RABGAP1: variants seen among roughly 807,000 people sequenced by gnomAD.
RABGAP1 encodes the protein rab GTPase-activating protein 1.
RABGAP1 carries 23 observed loss-of-function variants against 137.6 expected under a neutral mutation model. The observed-to-expected ratio is 0.17, with a 90% CI of 0.12 to 0.24. The LOEUF (loss-of-function observed/expected upper bound fraction) is 0.24, where lower values mean the gene tolerates loss of function less well. RABGAP1 is among the 10% of genes least tolerant of loss of function. The pLI, the probability that RABGAP1 is intolerant of heterozygous loss-of-function variation, is 1.00. For synonymous variants in RABGAP1, 451 were observed against 450.7 expected, an observed-to-expected ratio of 1.00 and a Z score of -0.01; for missense variants, 906 against 1,275.8, an observed-to-expected ratio of 0.71 and a Z score of 4.42.
chr9:122,953,347 T>G (rs1834351785), intron 1 of RABGAP1, among the ~76,000 whole-genome samples: 1 of 152,196 alleles, frequency 6.6e-6, no homozygotes, highest in Admixed American at 6.5e-5. Context: ...TAACATTACC[T>G]CTATGGAAAC....
intron 13 of RABGAP1, among the ~76,000 whole-genome samples, chr9:123,049,290 T>TTTGTTG (rs201223630): frequency 0.016 from 2,378 of 152,126 alleles, 33 homozygotes; most frequent in South Asian, 0.066. Flanking sequence ...TATGGTGTTT[T>TTTGTTG]TTGTTGTTGT....
chr9:123,003,812 A>G (rs1363555336), intron 10 of RABGAP1, among the ~76,000 whole-genome samples: 2 of 152,224 alleles, frequency 1.3e-5, no homozygotes, highest in Admixed American at 6.5e-5. Flanking sequence ...TAATGAATAG[A>G]TTTTCCAATA....
intron 21 of RABGAP1, among the ~76,000 whole-genome samples, chr9:123,092,219 T>C (rs1432282208): frequency 1.3e-5 from 2 of 152,218 alleles, no homozygotes; most frequent in Admixed American, 6.5e-5. Context: ...ACTACTTATG[T>C]TCTTAAAACC....
intron 1 of RABGAP1, among the ~76,000 whole-genome samples, chr9:122,951,951 G>A (rs192223669): frequency 1.7e-3 from 253 of 152,258 alleles, no homozygotes; most frequent in African/African-American, 5.4e-3. Flanking sequence ...TGGCACTTAC[G>A]GCACAGAGCA....
At chr9:122,984,045 T>G (rs1295025510) in intron 2 of RABGAP1, among the ~76,000 whole-genome samples, 1 of 152,222 alleles carries the variant, frequency 6.6e-6, no homozygotes, top group East Asian at 1.9e-4. Flanking sequence ...TGTGGAAATG[T>G]ATTGCCTAAT....
In RABGAP1 at chr9:122,998,709, A is replaced by G; in HGVS notation, c.1317A>G (p.Leu439=). ...KVRVCSPNER[L]FWPFSKRSTT... The stretch of plus-strand genomic sequence containing the variant: ...GCGTTTGCTCACCTAATGAAAGATT[A>G]TTCTGGCCCTTCAGCAAACGTAGTA... Residue 439 remains leucine, a synonymous_variant, in exon 10 of 26, where the codon TTA becomes TTG. Transcript: ENST00000373647. 6.2e-7 allele frequency: 1 copy of G among 1,612,698 alleles called. No individual in the cohort carries two copies. The highest frequency in any genetic ancestry group is 1.1e-5 in the South Asian group (1 of 90,958).
chr9:123,022,652 G>T (rs189600174), intron 13 of RABGAP1, among the ~76,000 whole-genome samples: 2 of 151,944 alleles, frequency 1.3e-5, no homozygotes, highest in African/African-American at 2.4e-5. Flanking sequence ...TGATCCGCCC[G>T]CCTCGACCTC....
At position 122,996,027 on chromosome 9, in the gene RABGAP1, A is replaced by G. The variant is rs934239485; in HGVS notation, c.924-14A>G. 27 of 1,564,700 alleles carry G rather than the reference A, an allele frequency of 1.7e-5. No individual in the cohort carries two copies. The highest frequency in any genetic ancestry group is 4.2e-5 in the Admixed American group (2 of 47,742). On this transcript the variant is annotated splice_polypyrimidine_tract_variant and intron_variant, in intron 6 of 25. Transcript: ENST00000373647. The stretch of plus-strand genomic sequence containing the variant: ...AAATGCTTTGCAAAATTAATGAAAC[A>G]TGTTGGTCTACAGTGCAGTTCCCAA...
chr9:123,020,970 A>T, intron 13 of RABGAP1: 1 of 803,670 alleles, frequency 1.2e-6, no homozygotes, highest in Non-Finnish European at 1.5e-6. Flanking sequence ...AAGTTTTGCA[A>T]GCAAAACAAG....
intron 5 of RABGAP1, 23 bp downstream of exon 5, chr9:122,989,494 T>C (rs754161579): frequency 1.9e-5 from 30 of 1,610,786 alleles, no homozygotes; most frequent in Non-Finnish European, 2.2e-5. Context: ...GAGAAAACTC[T>C]CTGCAAATGA....
intron 12 of RABGAP1, 140 bp downstream of exon 12, chr9:123,015,776 T>A: frequency 1.8e-6 from 1 of 544,508 alleles, no homozygotes; most frequent in Non-Finnish European, 3.2e-6. Context: ...TTTTAGGGAT[T>A]TATATGAGTA....
intron 10 of RABGAP1, 61 bp from the exon 11 acceptor site, chr9:123,010,293 C>T (rs990756848): frequency 2.6e-5 from 36 of 1,406,394 alleles, no homozygotes; most frequent in Non-Finnish European, 3.3e-5. Context: ...AAAAACACTG[C>T]AATTAATTAA....
intron 11 of RABGAP1, among the ~76,000 whole-genome samples, chr9:123,011,181 T>G (rs532386140): frequency 6.6e-6 from 1 of 152,320 alleles, no homozygotes; most frequent in South Asian, 2.1e-4. Context: ...AAAACCTGAT[T>G]ACAATATAAG....
chr9:123,000,964 C>G (rs1202959802), intron 10 of RABGAP1, among the ~76,000 whole-genome samples: 1 of 151,154 alleles, frequency 6.6e-6, no homozygotes, highest in Non-Finnish European at 1.5e-5. Context: ...CAAAGTTTTA[C>G]TCAGTAAAAG....
At position 123,089,789 on chromosome 9, in the gene RABGAP1, A is replaced by G; in HGVS notation, c.2456A>G (p.Lys819Arg). 1.2e-6 allele frequency: 2 copies of G among 1,613,760 alleles called. No homozygotes were observed. Among genetic ancestry groups the G allele is most frequent in the Non-Finnish European group, 1.7e-6 (2 of 1,179,772 alleles). ...ISQKKLKKYE[K>R]EYHTMREQQA... ...CAGAAGAAGTTGAAAAAATACGAGA[A>G]AGAATATCACACCATGAGGGAACAG... Residue 819 changes from lysine to arginine, a missense_variant, in exon 20 of 26, where the codon AAA (lysine) becomes AGA (arginine). By Grantham distance (26) the Lys-to-Arg change is conservative. Coordinates refer to ENST00000373647, the MANE Select transcript of RABGAP1 (RefSeq NM_012197.4).
intron 10 of RABGAP1, among the ~76,000 whole-genome samples, chr9:123,005,146 G>A (rs1333240973): frequency 1.3e-5 from 2 of 148,916 alleles, no homozygotes; most frequent in African/African-American, 5.0e-5. Flanking sequence ...ACTTCTTTTT[G>A]TCCTTTGAAT....
chr9:122,958,497 A>G (rs1247387961), intron 2 of RABGAP1, among the ~76,000 whole-genome samples: 1 of 152,132 alleles, frequency 6.6e-6, no homozygotes. Flanking sequence ...CAAAATGAGA[A>G]TACTTGGACA....
intron 19 of RABGAP1, among the ~76,000 whole-genome samples, chr9:123,077,485 C>T (rs2034551244): frequency 6.6e-6 from 1 of 151,994 alleles, no homozygotes; most frequent in South Asian, 2.1e-4. Flanking sequence ...TCAGAAGTTC[C>T]CTAAAACAAA....
At chr9:123,100,125 CTTTAATTG>C (rs1473326893) in intron 24 of RABGAP1, among the ~76,000 whole-genome samples, 2 of 152,144 alleles carry the variant, frequency 1.3e-5, no homozygotes, top group African/African-American at 2.4e-5. Context: ...CAGTTTAGAA[CTTTAATTG>C]TTTAATGTTT....
Sources: gnomAD v4.1 joint callset for allele counts (sites outside exome capture counted in the v4.1 genomes callset) on GRCh38, gnomAD v4.1.1 for gene constraint, MANE v1.5 for transcripts, NCBI Gene and HGNC (gene_info 2026-07-23, HGNC 2026-07-21) for gene names.